The following SSBP2 variants were observed in gnomAD, a reference collection of about 807,000 sequenced individuals.
SSBP2 encodes the protein single stranded DNA binding protein 2, also known as single-stranded DNA-binding protein 2.
In SSBP2, 17 loss-of-function variants were observed where a neutral mutation model predicts 61.8. The ratio of observed to expected loss-of-function variants is 0.28; its 90% CI spans 0.19 to 0.41. The LOEUF (loss-of-function observed/expected upper bound fraction) is 0.41. SSBP2 is among the 10% of genes least tolerant of loss of function. SSBP2 has a pLI of 1.00. For missense variants in SSBP2, 310 were observed against 458.7 expected, an observed-to-expected ratio of 0.68 and a Z score of 2.96; for synonymous variants, 139 against 141.3, an observed-to-expected ratio of 0.98 and a Z score of 0.12.
chr5:81,469,225 G>C (rs1765090725), intron 8 of SSBP2, among the ~76,000 whole-genome samples: 1 of 151,840 alleles, frequency 6.6e-6, no homozygotes, highest in South Asian at 2.1e-4. Context: ...TTCTCCCAAT[G>C]ATACCCTGAT....
intron 1 of SSBP2, among the ~76,000 whole-genome samples, chr5:81,729,760 A>G (rs1274108107): frequency 2.0e-5 from 3 of 152,126 alleles, no homozygotes; most frequent in Non-Finnish European, 4.4e-5. Flanking sequence ...TCTTGATTGA[A>G]AAGTAATTGT....
intron 5 of SSBP2, among the ~76,000 whole-genome samples, chr5:81,498,598 C>G (rs576397517): frequency 6.6e-6 from 1 of 152,024 alleles, no homozygotes; most frequent in Admixed American, 6.5e-5. Flanking sequence ...AAAGCATAAA[C>G]ATTCTTTAAA....
intron 1 of SSBP2, among the ~76,000 whole-genome samples, chr5:81,669,388 T>G (rs1751409452): frequency 6.6e-6 from 1 of 152,180 alleles, no homozygotes; most frequent in Non-Finnish European, 1.5e-5. Flanking sequence ...GTTTGGCAAC[T>G]TTATTCATAA....
chr5:81,456,006 A>C (rs1388231073), intron 10 of SSBP2, among the ~76,000 whole-genome samples: 21 of 152,212 alleles, frequency 1.4e-4, no homozygotes, highest in Admixed American at 1.4e-3. Context: ...TCAACTGTGA[A>C]GTTTAAAGCT....
At chr5:81,509,071 G>A (rs372151977) in intron 5 of SSBP2, among the ~76,000 whole-genome samples, 8 of 152,182 alleles carry the variant, frequency 5.3e-5, no homozygotes, top group African/African-American at 1.9e-4. Context: ...GCAACCAGGA[G>A]AGGCTGGAAA....
At chr5:81,643,791 C>A (rs1006282645) in intron 2 of SSBP2, among the ~76,000 whole-genome samples, 1 of 151,654 alleles carries the variant, frequency 6.6e-6, no homozygotes, top group East Asian at 1.9e-4. Context: ...TTAGTAGAGA[C>A]GGGATTTCAC....
chr5:81,626,621 G>A (rs1747177174), intron 3 of SSBP2, among the ~76,000 whole-genome samples: 1 of 152,190 alleles, frequency 6.6e-6, no homozygotes, highest in South Asian at 2.1e-4. Context: ...AAGACAGCAA[G>A]CACATTGTTA....
chr5:81,481,391 G>T (rs1224797045), intron 6 of SSBP2, among the ~76,000 whole-genome samples: 2 of 152,064 alleles, frequency 1.3e-5, no homozygotes, highest in Admixed American at 6.5e-5. Flanking sequence ...GGAGGCCGAG[G>T]GGGGTGGATC....
chr5:81,747,022 T>TGG (rs60355265), intron 1 of SSBP2, among the ~76,000 whole-genome samples: 8,760 of 85,220 alleles, frequency 0.1, 482 homozygotes, highest in Non-Finnish European at 0.14. Flanking sequence ...ACAAAATTCC[T>TGG]GGGGGGGGGG....
At chr5:81,585,023 T>C (rs1774956821) in intron 4 of SSBP2, among the ~76,000 whole-genome samples, 1 of 152,128 alleles carries the variant, frequency 6.6e-6, no homozygotes, top group South Asian at 2.1e-4. Flanking sequence ...ATATAAACTA[T>C]TACATAAGAA....
At chr5:81,520,493 A>T (rs532107304) in intron 4 of SSBP2, among the ~76,000 whole-genome samples, 1 of 152,188 alleles carries the variant, frequency 6.6e-6, no homozygotes, top group African/African-American at 2.4e-5. Context: ...GAGAATACCA[A>T]TATCAAGTTT....
At chr5:81,648,721 T>C (rs952898547) in intron 2 of SSBP2, among the ~76,000 whole-genome samples, 1 of 152,068 alleles carries the variant, frequency 6.6e-6, no homozygotes, top group Non-Finnish European at 1.5e-5. Flanking sequence ...TATGGGTACA[T>C]AGTAGTATAT....
intron 1 of SSBP2, among the ~76,000 whole-genome samples, chr5:81,703,909 TG>T (rs1372342029): frequency 6.6e-6 from 1 of 152,188 alleles, no homozygotes; most frequent in African/African-American, 2.4e-5. Context: ...GTAAATAGAA[TG>T]AGGCAGAGCT....
At chr5:81,575,424 T>G (rs1189256645) in intron 4 of SSBP2, among the ~76,000 whole-genome samples, 1 of 152,178 alleles carries the variant, frequency 6.6e-6, no homozygotes, top group African/African-American at 2.4e-5. Flanking sequence ...TAGAAGGTTC[T>G]TTCATAGCAC....
intron 2 of SSBP2, among the ~76,000 whole-genome samples, chr5:81,637,259 AG>A (rs1160904528): frequency 6.6e-6 from 1 of 152,232 alleles, no homozygotes; most frequent in Non-Finnish European, 1.5e-5. Flanking sequence ...TAGAGGTCTA[AG>A]ATTCAGCTCC....
intron 6 of SSBP2, among the ~76,000 whole-genome samples, chr5:81,484,787 A>G (rs930989222): frequency 1.3e-5 from 2 of 152,160 alleles, no homozygotes; most frequent in African/African-American, 2.4e-5. Flanking sequence ...CTCATCTATT[A>G]TTGCACAAAT....
chr5:81,443,763 T>G (rs1191317454), intron 12 of SSBP2, among the ~76,000 whole-genome samples: 1 of 152,180 alleles, frequency 6.6e-6, no homozygotes, highest in Non-Finnish European at 1.5e-5. Context: ...GGGGTTTCAC[T>G]GTGTTAGCCA....
intron 2 of SSBP2, among the ~76,000 whole-genome samples, chr5:81,649,293 A>T (rs111904862): frequency 1.1e-3 from 162 of 152,236 alleles, no homozygotes; most frequent in African/African-American, 3.5e-3. Context: ...CACATAACAG[A>T]GCTCAATAAA....
At chr5:81,624,898 A>G (rs1340815049) in intron 3 of SSBP2, among the ~76,000 whole-genome samples, 1 of 152,162 alleles carries the variant, frequency 6.6e-6, no homozygotes, top group Non-Finnish European at 1.5e-5. Flanking sequence ...ACGTCTATAT[A>G]ATATGCTGCC....
Sources: allele counts gnomAD v4.1 joint callset (sites outside exome capture counted in the v4.1 genomes callset), GRCh38; gene constraint gnomAD v4.1.1; transcripts MANE v1.5; gene names NCBI Gene and HGNC (gene_info 2026-07-23, HGNC 2026-07-21).